KCNIP1: variants seen among roughly 807,000 people sequenced by gnomAD.
KCNIP1 encodes A-type potassium channel modulatory protein KCNIP1.
Under a neutral mutation model 33.0 loss-of-function variants are expected in KCNIP1, and 18 were observed. The ratio of observed to expected loss-of-function variants is 0.55; its 90% CI spans 0.38 to 0.81. The LOEUF (loss-of-function observed/expected upper bound fraction) is 0.81, where lower values mean the gene tolerates loss of function less well. Ranked by LOEUF, KCNIP1 falls within the 30% of genes least tolerant of loss-of-function variation. KCNIP1 has a pLI of 0.00. For missense variants in KCNIP1, 238 were observed against 271.6 expected (o/e 0.88, Z 0.87); for synonymous variants, 93 against 98.3 (o/e 0.95, Z 0.32).
At chr5:170,469,966 C>A (rs1049301616) in intron 1 of KCNIP1, among the ~76,000 whole-genome samples, 65 of 152,272 alleles carry the variant, frequency 4.3e-4, no homozygotes, top group African/African-American at 1.5e-3. Flanking sequence ...CAGAGGTTCA[C>A]GTATTTCCTG....
intron 1 of KCNIP1, among the ~76,000 whole-genome samples, chr5:170,599,369 G>A (rs551425052): frequency 2.0e-5 from 3 of 152,182 alleles, no homozygotes; most frequent in East Asian, 1.9e-4. Context: ...CTCACTCCCC[G>A]AGGAATCGCG....
intron 1 of KCNIP1, among the ~76,000 whole-genome samples, chr5:170,544,465 C>T (rs575889227): frequency 6.6e-6 from 1 of 152,108 alleles, no homozygotes; most frequent in South Asian, 2.1e-4. Context: ...ACTCTGGTTA[C>T]CTCCTTCCTG....
At chr5:170,409,219 G>A (rs1313124493) in intron 1 of KCNIP1, among the ~76,000 whole-genome samples, 1 of 152,198 alleles carries the variant, frequency 6.6e-6, no homozygotes, top group East Asian at 1.9e-4. Flanking sequence ...GCCATCTCCT[G>A]AAGTTGAAAT....
At chr5:170,398,035 C>A (rs1754805820) in intron 1 of KCNIP1, among the ~76,000 whole-genome samples, 1 of 152,184 alleles carries the variant, frequency 6.6e-6, no homozygotes, top group South Asian at 2.1e-4. Context: ...CTCCAGGAAG[C>A]AGGCTTCAGA....
At chr5:170,621,887 T>C (rs147028567) in intron 1 of KCNIP1, among the ~76,000 whole-genome samples, 2 of 152,280 alleles carry the variant, frequency 1.3e-5, no homozygotes, top group African/African-American at 2.4e-5. Flanking sequence ...AGAAGAGAGA[T>C]GGAACGACGA....
Position 170,712,318 on chromosome 5 carries a change from A to T in KCNIP1, c.62-6440A>T, listed in dbSNP as rs370984000. On this transcript the variant is annotated intron_variant, in intron 1 of 7. Coordinates refer to ENST00000328939, the MANE Select transcript of KCNIP1 (RefSeq NM_014592.4). ...GGAAGAAAGAATCAAAAACTTGTAG[A>T]CTGTAAGCTCCAAGAGAACAGAGAA... Among the ~76,000 whole-genome samples the T allele has an allele frequency of 5.1e-4, 77 of 152,348 alleles. 2 individuals are homozygous for T. The East Asian group carries it at 9.4e-3, about 19-fold the overall frequency.
rs558190069 is a variant in KCNIP1, at chr5:170,509,162, T to C, written c.61+4529T>C. On this transcript the variant is annotated intron_variant, in intron 1 of 7. Coordinates refer to ENST00000328939, the MANE Select transcript of KCNIP1 (RefSeq NM_014592.4). The stretch of plus-strand genomic sequence containing the variant: ...GCCAGGAATGAATTCTGTTGTTCGG[T>C]CTGCTGGCTTTGAATTGACTTTGTC... Among the ~76,000 whole-genome samples, 16 of 152,356 alleles carry C rather than the reference T, an allele frequency of 1.1e-4. No homozygotes were observed. The South Asian group carries it at 3.1e-3, about 30-fold the overall frequency.
At chr5:170,661,665 A>G (rs1027325076) in intron 1 of KCNIP1, among the ~76,000 whole-genome samples, 1 of 152,208 alleles carries the variant, frequency 6.6e-6, no homozygotes, top group African/African-American at 2.4e-5. Flanking sequence ...CACATGGGCT[A>G]CTGCTCACCC....
At chr5:170,670,914 TA>T (rs138566739) in intron 1 of KCNIP1, among the ~76,000 whole-genome samples, 10,291 of 145,774 alleles carry the variant, frequency 0.071, 410 homozygotes, top group African/African-American at 0.1. Context: ...AAAAAAAAAA[TA>T]AAAAAAAAAG....
At chr5:170,630,574 C>T (rs544169825) in intron 1 of KCNIP1, among the ~76,000 whole-genome samples, 1 of 152,304 alleles carries the variant, frequency 6.6e-6, no homozygotes, top group East Asian at 1.9e-4. Flanking sequence ...AACTTGGAGC[C>T]ACTGTATGTT....
At position 170,368,451 on chromosome 5, in the gene KCNIP1, G is replaced by A. The variant is rs941067931; in HGVS notation, c.88+14487G>A. Among the ~76,000 whole-genome samples the A allele has an allele frequency of 4.6e-5, 7 of 152,154 alleles. No homozygotes were observed. In the East Asian group the frequency reaches 7.7e-4, roughly 17 times the overall value. On this transcript the variant is annotated intron_variant, in intron 1 of 7. Coordinates refer to the KCNIP1 transcript ENST00000377360. ...AGCTAATTTTTGTATTTTTAGTAGA[G>A]ACAGGGTTTCACAATGTTTTCCAGG...
chr5:170,490,408 G>A (rs1369495261), intron 1 of KCNIP1, among the ~76,000 whole-genome samples: 2 of 152,158 alleles, frequency 1.3e-5, no homozygotes, highest in East Asian at 1.9e-4. Context: ...GAAACAGTTG[G>A]TATCTTGACT....
intron 1 of KCNIP1, among the ~76,000 whole-genome samples, chr5:170,488,231 G>T (rs960739979): frequency 6.6e-6 from 1 of 152,200 alleles, no homozygotes; most frequent in Admixed American, 6.5e-5. Flanking sequence ...ATGTGCTTGT[G>T]TTTCCGGGAA....
At chr5:170,522,931 G>A (rs1270017436) in intron 1 of KCNIP1, among the ~76,000 whole-genome samples, 4 of 152,218 alleles carry the variant, frequency 2.6e-5, no homozygotes, top group Admixed American at 6.5e-5. Flanking sequence ...TTTGATGATC[G>A]TGTCTGCAGC....
At chr5:170,699,424 C>A (rs1256407727) in intron 1 of KCNIP1, among the ~76,000 whole-genome samples, 1 of 152,098 alleles carries the variant, frequency 6.6e-6, no homozygotes, top group Non-Finnish European at 1.5e-5. Flanking sequence ...CTCCCACCTT[C>A]TTGAACTTTG....
intron 1 of KCNIP1, among the ~76,000 whole-genome samples, chr5:170,536,032 C>T (rs192194548): frequency 3.2e-4 from 49 of 152,312 alleles, no homozygotes; most frequent in Non-Finnish European, 5.1e-4. Flanking sequence ...ACCCTTTCTC[C>T]GCCAGAATAT....
chr5:170,734,806 G>C (rs143059982), intron 7 of KCNIP1, among the ~76,000 whole-genome samples: 128 of 152,360 alleles, frequency 8.4e-4, no homozygotes, highest in African/African-American at 2.9e-3. Context: ...TGTCCTATGT[G>C]CAGGGTGATA....
At chr5:170,448,668 AAAT>A (rs1250561919) in intron 1 of KCNIP1, among the ~76,000 whole-genome samples, 2 of 152,258 alleles carry the variant, frequency 1.3e-5, no homozygotes, top group Non-Finnish European at 2.9e-5. Context: ...CATTGCAAAC[AAAT>A]AATAGTGTAT....
intron 1 of KCNIP1, among the ~76,000 whole-genome samples, chr5:170,600,469 G>A (rs1316413494): frequency 6.6e-6 from 1 of 151,242 alleles, no homozygotes; most frequent in Non-Finnish European, 1.5e-5. Flanking sequence ...AGCCTTTTTT[G>A]GTGCCCCCAA....
Sources: gnomAD v4.1 joint callset for allele counts (sites outside exome capture counted in the v4.1 genomes callset) on GRCh38, gnomAD v4.1.1 for gene constraint, MANE v1.5 for transcripts, NCBI Gene and HGNC (gene_info 2026-07-23, HGNC 2026-07-21) for gene names.